ROR2: variants seen among roughly 807,000 people sequenced by gnomAD.
ROR2 encodes tyrosine-protein kinase transmembrane receptor ROR2.
Under a neutral mutation model 74.9 loss-of-function variants are expected in ROR2, and 33 were observed. The observed-to-expected ratio is 0.44, with a 90% CI of 0.33 to 0.59. The LOEUF (loss-of-function observed/expected upper bound fraction) is 0.59, where lower values mean the gene tolerates loss of function less well. ROR2 is among the 20% of genes least tolerant of loss of function. ROR2 has a pLI of 0.02. For synonymous variants in ROR2, 586 were observed against 558.7 expected, an observed-to-expected ratio of 1.05 and a Z score of -0.69; for missense variants, 1,216 against 1,313.8, an observed-to-expected ratio of 0.93 and a Z score of 1.15.
chr9:91,749,173 A>G (rs918354972), intron 4 of ROR2, among the ~76,000 whole-genome samples: 3 of 152,374 alleles, frequency 2.0e-5, no homozygotes, highest in African/African-American at 7.2e-5. Context: ...CACAAGGAAA[A>G]GAACAAGGCA....
At chr9:91,936,978 C>G (rs867941977) in intron 1 of ROR2, among the ~76,000 whole-genome samples, 1,876 of 139,094 alleles carry the variant, frequency 0.013, 52 homozygotes, top group African/African-American at 0.052. Context: ...TGCAGTGAGC[C>G]GAGATCCCGC....
intron 1 of ROR2, among the ~76,000 whole-genome samples, chr9:91,845,051 G>A (rs7029950): frequency 0.39 from 59,081 of 151,740 alleles, 13,211 homozygotes; most frequent in African/African-American, 0.6. Flanking sequence ...GAAAGTTACG[G>A]TGGCCTGTAA....
chr9:91,809,124 G>C (rs980200985), intron 1 of ROR2, among the ~76,000 whole-genome samples: 2 of 152,142 alleles, frequency 1.3e-5, no homozygotes, highest in Non-Finnish European at 2.9e-5. Flanking sequence ...TTGCCTCCAT[G>C]TTGCACATCC....
intron 1 of ROR2, among the ~76,000 whole-genome samples, chr9:91,943,206 C>T (rs1478980469): frequency 6.6e-6 from 1 of 152,084 alleles, no homozygotes; most frequent in Non-Finnish European, 1.5e-5. Flanking sequence ...GTGTATTTTT[C>T]CCTGTCCCCA....
chr9:91,778,132 C>G (rs1257935195), intron 1 of ROR2, among the ~76,000 whole-genome samples: 1 of 152,242 alleles, frequency 6.6e-6, no homozygotes, highest in African/African-American at 2.4e-5. Context: ...TGCACATGCC[C>G]TCACTCCTGC....
chr9:91,743,483 A>T (rs551189654), intron 4 of ROR2, among the ~76,000 whole-genome samples: 1 of 152,318 alleles, frequency 6.6e-6, no homozygotes, highest in East Asian at 1.9e-4. Context: ...AGGCAGGACA[A>T]TCGCTTGAAC....
intron 1 of ROR2, among the ~76,000 whole-genome samples, chr9:91,812,563 AC>A (rs916243826): frequency 6.1e-5 from 8 of 131,466 alleles, no homozygotes; most frequent in Admixed American, 1.5e-4. Flanking sequence ...TCCCCGCCCC[AC>A]CCCCCCCACA....
At chr9:91,923,419 T>C (rs576159765) in intron 1 of ROR2, among the ~76,000 whole-genome samples, 2 of 152,308 alleles carry the variant, frequency 1.3e-5, no homozygotes, top group Admixed American at 1.3e-4. Context: ...TGGCTATCAA[T>C]TGGACGGTAC....
chr9:91,791,831 T>C (rs1405727802), intron 1 of ROR2, among the ~76,000 whole-genome samples: 1 of 150,620 alleles, frequency 6.6e-6, no homozygotes, highest in African/African-American at 2.5e-5. Context: ...TTAATACATT[T>C]AATACATAAC....
chr9:91,904,934 C>CA (rs2119441791), intron 1 of ROR2, among the ~76,000 whole-genome samples: 1 of 151,786 alleles, frequency 6.6e-6, no homozygotes, highest in African/African-American at 2.4e-5. Context: ...ACACACACAG[C>CA]ACATACACCA....
rs1047297345 is a variant in ROR2 at position 91,905,395 on chromosome 9, G to C, written c.97+44472C>G. On this transcript the variant is annotated intron_variant, in intron 1 of 8. Transcript: ENST00000375708. The surrounding 1 kb of genome is among the most constrained non-coding windows in gnomAD (Gnocchi z 5.3). ...ACACACAACACATACCACACACACA[G>C]AGAGACAAAAACTATACAAATGTCA... is the stretch of plus-strand genomic sequence containing the variant. Among the ~76,000 whole-genome samples the C allele has an allele frequency of 2.7e-5, 4 of 148,060 alleles. No homozygotes were observed. Among genetic ancestry groups the C allele is most frequent in the Non-Finnish European group, 6.0e-5 (4 of 66,718 alleles).
chr9:91,829,412 T>C (rs1465475083), intron 1 of ROR2, among the ~76,000 whole-genome samples: 1 of 151,970 alleles, frequency 6.6e-6, no homozygotes, highest in Non-Finnish European at 1.5e-5. Context: ...TAGCTGGGCA[T>C]GGTGGCATGC....
chr9:91,915,155 T>C (rs1454132719), intron 1 of ROR2, among the ~76,000 whole-genome samples: 1 of 152,034 alleles, frequency 6.6e-6, no homozygotes, highest in Non-Finnish European at 1.5e-5. Flanking sequence ...TGGTCGGAGT[T>C]GTCATCCCCA....
At chr9:91,947,678 T>C (rs1310621574) in intron 1 of ROR2, among the ~76,000 whole-genome samples, 1 of 152,176 alleles carries the variant, frequency 6.6e-6, no homozygotes, top group African/African-American at 2.4e-5. Flanking sequence ...GATTGGTATA[T>C]AGTCCCAAAT....
chr9:91,824,225 A>C (rs1243655884), intron 1 of ROR2, among the ~76,000 whole-genome samples: 7 of 152,238 alleles, frequency 4.6e-5, no homozygotes, highest in African/African-American at 1.7e-4. Context: ...AGGTAAACAA[A>C]TGCTCAGAGC....
chr9:91,724,396 C>G lies in ROR2; in HGVS notation c.2098G>C (p.Asp700His), dbSNP rs775830543. Residue 700 changes from aspartate to histidine, a missense_variant, in exon 9 of 9, where the codon GAT (aspartate) becomes CAT (histidine). Transcript: ENST00000375708. Reference sequence around the variant, plus strand: ...CGGTTCCGGATCATCTCCACCACATCCTGGTTGGAGTACCCGCAGTAGGGC... The same window carrying G: ...CGGTTCCGGATCATCTCCACCACATGCTGGTTGGAGTACCCGCAGTAGGGC... The part of the protein sequence containing the change: ...LQPYCGYSNQ[D>H]VVEMIRNRQV... 5 of 1,614,132 alleles carry G rather than the reference C, an allele frequency of 3.1e-6. No individual in the cohort carries two copies. Among genetic ancestry groups the G allele is most frequent in the Non-Finnish European group, 4.2e-6 (5 of 1,180,024 alleles).
chr9:91,782,006 G>T (rs368752775), intron 1 of ROR2, among the ~76,000 whole-genome samples: 6 of 152,230 alleles, frequency 3.9e-5, no homozygotes, highest in African/African-American at 9.6e-5. Context: ...TTAGGTGAAG[G>T]GGGAGAGAGG....
intron 1 of ROR2, among the ~76,000 whole-genome samples, chr9:91,914,899 A>T (rs1163078608): frequency 6.6e-6 from 1 of 152,190 alleles, no homozygotes; most frequent in East Asian, 1.9e-4. Context: ...AAACGTCACC[A>T]GTCCACTCAG....
chr9:91,772,644 C>T (rs1266530290), intron 2 of ROR2, among the ~76,000 whole-genome samples: 1 of 152,212 alleles, frequency 6.6e-6, no homozygotes. Context: ...CTTGACGGGC[C>T]ACCTTTAGCG....
Sources: gnomAD v4.1 joint callset for allele counts (sites outside exome capture counted in the v4.1 genomes callset) on GRCh38, gnomAD v4.1.1 for gene constraint, Gnocchi (gnomAD v3.1) non-coding constraint, MANE v1.5 for transcripts, NCBI Gene and HGNC (gene_info 2026-07-23, HGNC 2026-07-21) for gene names.